The following CDH13 variants were observed in gnomAD, a reference collection of about 807,000 sequenced individuals.
The protein encoded by CDH13 is cadherin 13.
CDH13 carries 24 observed loss-of-function variants against 63.8 expected under a neutral mutation model. The ratio of observed to expected loss-of-function variants is 0.38; its 90% confidence interval spans 0.27 to 0.53. The LOEUF (loss-of-function observed/expected upper bound fraction) is 0.53. CDH13 is among the 20% of genes least tolerant of loss of function. The probability of loss-of-function intolerance (pLI) is 0.85; values close to 1 mark genes in which losing one functional copy is unlikely to be tolerated. For missense variants in CDH13, 1,049 were observed against 903.1 expected (o/e 1.16, Z -2.07); for synonymous variants, 503 against 355.3 (o/e 1.42, Z -4.67).
rs146182792 is a variant in CDH13 at position 82,926,871 on chromosome 16, G to A, written c.157+68398G>A. On this transcript the variant is annotated intron_variant, in intron 2 of 13. Transcript: ENST00000567109. ...TACTATGTGTTTTATTCCAGTGTCC[G>A]GTTATAATTGTATAAGAAACCATCA... Among the ~76,000 whole-genome samples the A allele has an allele frequency of 2.8e-4, 43 of 152,206 alleles. No individual in the cohort carries two copies. The East Asian group carries it at 6.6e-3, about 23-fold the overall frequency.
intron 2 of CDH13, among the ~76,000 whole-genome samples, chr16:82,945,378 C>T (rs1160409103): frequency 6.6e-6 from 1 of 151,658 alleles, no homozygotes; most frequent in African/African-American, 2.4e-5. Context: ...TGTAGGTCTT[C>T]AGAAACACTC....
chr16:82,661,193 G>C (rs985278030), intron 1 of CDH13, among the ~76,000 whole-genome samples: 1 of 152,200 alleles, frequency 6.6e-6, no homozygotes, highest in Non-Finnish European at 1.5e-5. Context: ...CTGACCTAGT[G>C]AGGTTGGCTT....
At chr16:83,384,519 C>A (rs1339522485) in intron 6 of CDH13, among the ~76,000 whole-genome samples, 1 of 152,212 alleles carries the variant, frequency 6.6e-6, no homozygotes, top group East Asian at 1.9e-4. Context: ...CCTTGAGCTG[C>A]CCCAAGGGCA....
intron 5 of CDH13, among the ~76,000 whole-genome samples, chr16:83,228,500 T>A (rs781166606): frequency 6.6e-6 from 1 of 152,212 alleles, no homozygotes; most frequent in Non-Finnish European, 1.5e-5. Context: ...GGCAATGATT[T>A]GCAACAATCG....
chr16:82,885,178 G>A (rs937889296), intron 2 of CDH13, among the ~76,000 whole-genome samples: 1 of 152,112 alleles, frequency 6.6e-6, no homozygotes, highest in Non-Finnish European at 1.5e-5. Context: ...AGTATATTAT[G>A]AGCACTACTC....
At chr16:83,196,039 T>A (rs913139270) in intron 4 of CDH13, among the ~76,000 whole-genome samples, 2 of 152,140 alleles carry the variant, frequency 1.3e-5, no homozygotes, top group Non-Finnish European at 2.9e-5. Flanking sequence ...GCGGATCACC[T>A]GAGGTCACAA....
intron 5 of CDH13, among the ~76,000 whole-genome samples, chr16:83,343,285 T>C (rs777511227): frequency 3.3e-5 from 5 of 152,216 alleles, no homozygotes; most frequent in Non-Finnish European, 5.9e-5. Context: ...TGTTATTTTG[T>C]GTATTTTTAC....
At chr16:83,661,285 G>A (rs553791883) in intron 8 of CDH13, among the ~76,000 whole-genome samples, 1 of 152,128 alleles carries the variant, frequency 6.6e-6, no homozygotes, top group Non-Finnish European at 1.5e-5. Context: ...CCAGGCATTC[G>A]AGGCCAGCCT....
chr16:82,738,708 G>A (rs2318190), intron 1 of CDH13, among the ~76,000 whole-genome samples: 115,122 of 152,172 alleles, frequency 0.76, 44,329 homozygotes, highest in African/African-American at 0.91. Flanking sequence ...TTTAAATCCT[G>A]TGCATTCTCT....
At chr16:83,404,276 C>CA (rs776992825) in intron 6 of CDH13, among the ~76,000 whole-genome samples, 54 of 152,272 alleles carry the variant, frequency 3.5e-4, no homozygotes, top group Non-Finnish European at 6.8e-4. Flanking sequence ...TTTTAGGAAC[C>CA]AAAAAACAAA....
intron 10 of CDH13, among the ~76,000 whole-genome samples, chr16:83,708,337 C>G (rs531343589): frequency 6.6e-6 from 1 of 152,212 alleles, no homozygotes; most frequent in Non-Finnish European, 1.5e-5. Context: ...TTGGGTTCAA[C>G]CTCATTATAA....
At position 83,032,162 on chromosome 16, in the gene CDH13, G is replaced by C. The variant is rs1916422083; in HGVS notation, c.310G>C (p.Glu104Gln). The change falls in exon 3 of 14, where the codon GAA becomes CAA. Residue 104 changes from glutamate (E) to glutamine (Q), a missense_variant. By Grantham distance (29) the Glu-to-Gln change is conservative. Transcript: ENST00000567109. ...CGTCCATGCACGGACCCCCCATGCG[G>C]AAGATATGGCAGAACTCGTGATTGT... is the stretch of plus-strand genomic sequence containing the variant. ...LFVHARTPHA[E>Q]DMAELVIVGG... 1 of 1,613,680 alleles carries C rather than the reference G, an allele frequency of 6.2e-7. No homozygotes were observed. The highest frequency in any genetic ancestry group is 8.5e-7 in the Non-Finnish European group (1 of 1,179,808).
rs183250103 is a variant in CDH13 at position 83,332,743 on chromosome 16, T to C, written c.637-12119T>C. On this transcript the variant is annotated intron_variant, in intron 5 of 13. Transcript: ENST00000567109. ...ACCTCTTGAGGCAGAGGATATTCAC[T>C]AGGACTTTACTCAAGCTGCTTACAT... Among the ~76,000 whole-genome samples, 348 of 152,296 alleles carry C rather than the reference T, an allele frequency of 2.3e-3. 1 individual carries two copies. Among genetic ancestry groups the C allele is most frequent in the African/African-American group, 7.6e-3 (317 of 41,580 alleles).
intron 2 of CDH13, among the ~76,000 whole-genome samples, chr16:82,969,655 GGATAC>G (rs1351497902): frequency 6.6e-6 from 1 of 151,950 alleles, no homozygotes; most frequent in Non-Finnish European, 1.5e-5. Flanking sequence ...TCTACACACT[GGATAC>G]CACTAGCAGC....
intron 11 of CDH13, among the ~76,000 whole-genome samples, chr16:83,771,820 C>T (rs1914779121): frequency 6.6e-6 from 1 of 152,190 alleles, no homozygotes; most frequent in Admixed American, 6.5e-5. Flanking sequence ...TACAAGTCCT[C>T]ATTTCCTCAT....
At chr16:83,120,289 T>C (rs1274967486) in intron 3 of CDH13, among the ~76,000 whole-genome samples, 2 of 152,174 alleles carry the variant, frequency 1.3e-5, no homozygotes, top group African/African-American at 4.8e-5. Context: ...GTGGAGTTGA[T>C]GAGCTGGTGA....
intron 11 of CDH13, among the ~76,000 whole-genome samples, chr16:83,750,355 G>T (rs996140452): frequency 2.6e-5 from 4 of 152,226 alleles, no homozygotes; most frequent in Non-Finnish European, 5.9e-5. Flanking sequence ...ATCAAGCAAG[G>T]TTAAGGTGAC....
chr16:83,406,105 G>C (rs903622941), intron 6 of CDH13, among the ~76,000 whole-genome samples: 1 of 152,248 alleles, frequency 6.6e-6, no homozygotes, highest in Admixed American at 6.5e-5. Flanking sequence ...AATGTCCTCA[G>C]AGGTGACCTC....
At chr16:83,136,815 C>A (rs937124084) in intron 4 of CDH13, among the ~76,000 whole-genome samples, 11 of 152,122 alleles carry the variant, frequency 7.2e-5, no homozygotes, top group Non-Finnish European at 1.6e-4. Flanking sequence ...TAGGAGTGGT[C>A]TGAGATTCCA....
Sources: allele counts gnomAD v4.1 joint callset (sites outside exome capture counted in the v4.1 genomes callset), GRCh38; gene constraint gnomAD v4.1.1; transcripts MANE v1.5; gene names NCBI Gene and HGNC (gene_info 2026-07-23, HGNC 2026-07-21).